The following ELOVL6 variants were observed in gnomAD, a reference collection of about 807,000 sequenced individuals.
The protein encoded by ELOVL6 is ELOVL fatty acid elongase 6.
ELOVL6 carries 8 observed loss-of-function variants against 31.7 expected under a neutral mutation model. The observed-to-expected ratio is 0.25, with a 90% confidence interval of 0.15 to 0.45. ELOVL6 has a LOEUF of 0.45. ELOVL6 is among the 20% of genes least tolerant of loss of function. ELOVL6 has a pLI of 1.00. For synonymous variants in ELOVL6, 101 were observed against 117.7 expected, an observed-to-expected ratio of 0.86 and a Z score of 0.92; for missense variants, 126 against 326.4, an observed-to-expected ratio of 0.39 and a Z score of 4.73.
rs1310719679 is a variant in ELOVL6 at position 110,105,727 on chromosome 4, C to A, written c.90-99G>T. ...TCTTTGTAAGCACTGAAAAAATATT[C>A]TTGAGAATATTCCTGCTTCACTGAA... On this transcript the variant is annotated intron_variant, in intron 1 of 3. Transcript: ENST00000302274. 2 of 1,120,288 alleles carry A rather than the reference C, an allele frequency of 1.8e-6. No individual in the cohort carries two copies. Among genetic ancestry groups the A allele is most frequent in the Non-Finnish European group, 2.6e-6 (2 of 784,276 alleles). The allele number at this position is 1,120,288 out of a possible 1,614,324, so 69.4% of individuals were successfully genotyped here.
At chr4:110,141,432 C>A (rs975200280) in intron 1 of ELOVL6, among the ~76,000 whole-genome samples, 5 of 152,014 alleles carry the variant, frequency 3.3e-5, no homozygotes, top group African/African-American at 7.3e-5. Context: ...AGGATACCTA[C>A]AATGCACCTG....
At chr4:110,197,958 GT>G in intron 1 of ELOVL6, 1 of 474,264 alleles carries the variant, frequency 2.1e-6, no homozygotes. Context: ...CGCCTTCCCT[GT>G]CGCGCAGACA....
chr4:110,196,188 G>A (rs1052911534), intron 1 of ELOVL6, among the ~76,000 whole-genome samples: 33 of 152,180 alleles, frequency 2.2e-4, no homozygotes, highest in African/African-American at 7.5e-4. Flanking sequence ...ACAGTGAATG[G>A]GGTCAGCCAG....
chr4:110,181,217 C>A (rs141337697), intron 1 of ELOVL6, among the ~76,000 whole-genome samples: 4 of 152,094 alleles, frequency 2.6e-5, no homozygotes, highest in Non-Finnish European at 5.9e-5. Flanking sequence ...GAGGCTGAGG[C>A]GGGTGGATTG....
chr4:110,121,744 C>T (rs946936853), intron 1 of ELOVL6, among the ~76,000 whole-genome samples: 13 of 152,172 alleles, frequency 8.5e-5, no homozygotes, highest in Non-Finnish European at 1.9e-4. Flanking sequence ...CTCTCACACC[C>T]CATCACTATT....
intron 1 of ELOVL6, among the ~76,000 whole-genome samples, chr4:110,183,395 G>A (rs1427123919): frequency 6.6e-6 from 1 of 152,138 alleles, no homozygotes; most frequent in African/African-American, 2.4e-5. Context: ...TACCTCACAT[G>A]TATTGACTGA....
rs1438550284 is a variant in ELOVL6, at chr4:110,049,659, A to G, written c.*1679T>C. On this transcript the variant is annotated 3_prime_UTR_variant, in exon 4 of 4. Coordinates refer to ENST00000302274, the MANE Select transcript of ELOVL6 (RefSeq NM_024090.3). The stretch of plus-strand genomic sequence containing the variant: ...GGCTTTGAAGTTCAGTGTACCCCAC[A>G]TCTGTGTGTCTGTGTGTGTATGCGT... 2.0e-5 allele frequency: 3 copies of G among 150,722 alleles called. No individual in the cohort carries two copies. The highest frequency in any genetic ancestry group is 4.4e-5 in the Non-Finnish European group (3 of 67,758). The allele number at this position is 150,722 out of a possible 1,614,324, so 9.3% of individuals were successfully genotyped here.
At chr4:110,113,615 A>T (rs1396192859) in intron 1 of ELOVL6, among the ~76,000 whole-genome samples, 3 of 152,160 alleles carry the variant, frequency 2.0e-5, no homozygotes, top group South Asian at 2.1e-4. Flanking sequence ...CATTGGTCTT[A>T]TTTAGACAAA....
intron 2 of ELOVL6, among the ~76,000 whole-genome samples, chr4:110,084,095 T>C (rs1370219617): frequency 1.2e-5 from 1 of 82,254 alleles, no homozygotes; most frequent in African/African-American, 5.3e-5. Context: ...ATATATAACA[T>C]ATATATGATA....
intron 2 of ELOVL6, among the ~76,000 whole-genome samples, chr4:110,092,324 T>C (rs1423852673): frequency 6.6e-6 from 1 of 152,212 alleles, no homozygotes; most frequent in Non-Finnish European, 1.5e-5. Flanking sequence ...AGGAAAGAAC[T>C]GTCAATGCTT....
At chr4:110,150,453 G>A (rs567214342) in intron 1 of ELOVL6, among the ~76,000 whole-genome samples, 2 of 152,118 alleles carry the variant, frequency 1.3e-5, no homozygotes, top group East Asian at 1.9e-4. Context: ...ATTATTGTAT[G>A]TTACTACAAT....
At chr4:110,197,263 G>T (rs984447640) in intron 1 of ELOVL6, among the ~76,000 whole-genome samples, 2 of 152,234 alleles carry the variant, frequency 1.3e-5, no homozygotes, top group African/African-American at 4.8e-5. Flanking sequence ...GAATGCCTCT[G>T]CCACAACCCT....
intron 1 of ELOVL6, among the ~76,000 whole-genome samples, chr4:110,158,633 G>GTGTA (rs201164099): frequency 0.044 from 2,779 of 63,734 alleles, 117 homozygotes; most frequent in Non-Finnish European, 0.053. Context: ...ATATATACAC[G>GTGTA]TGTATATATA....
chr4:110,162,990 T>C (rs1450506513), intron 1 of ELOVL6, among the ~76,000 whole-genome samples: 2 of 152,188 alleles, frequency 1.3e-5, no homozygotes, highest in African/African-American at 2.4e-5. Context: ...TCCAAGACTA[T>C]GTAGGGGAAA....
In ELOVL6 at chr4:110,177,446, AAATT is replaced by A. The variant is rs1314147298; in HGVS notation, c.89+20797_89+20800del. Among the ~76,000 whole-genome samples the A allele has an allele frequency of 4.0e-5, 6 of 151,470 alleles. No homozygotes were observed. In the East Asian group the frequency reaches 9.7e-4, roughly 24 times the overall value. On this transcript the variant is annotated intron_variant, in intron 1 of 3. Coordinates refer to ENST00000302274, the MANE Select transcript of ELOVL6 (RefSeq NM_024090.3). ...AGTGAAACATTGTTTCTTAAAAAAT[AAATT>A]AATAAATAATAATAATAATAATAAA...
chr4:110,195,339 C>T (rs987363005), intron 1 of ELOVL6, among the ~76,000 whole-genome samples: 3 of 151,890 alleles, frequency 2.0e-5, no homozygotes, highest in African/African-American at 4.8e-5. Context: ...TGGCTGGTCT[C>T]GAACTCCTGT....
At chr4:110,070,241 T>A (rs768612968) in intron 2 of ELOVL6, among the ~76,000 whole-genome samples, 53 of 152,160 alleles carry the variant, frequency 3.5e-4, no homozygotes, top group Admixed American at 3.2e-3. Flanking sequence ...TGGACTTTTC[T>A]AATAGGAACA....
In ELOVL6 at chr4:110,149,257, G is replaced by A. The variant is rs1364106848; in HGVS notation, c.90-43629C>T. Among the ~76,000 whole-genome samples, 4 of 152,264 alleles carry A rather than the reference G, an allele frequency of 2.6e-5. No individual in the cohort carries two copies. In the South Asian group the frequency reaches 6.2e-4, roughly 24 times the overall value. ...AGAACTAAAAATACGACTAACCTTT[G>A]ATCCAGCAATCCCACTGCTGGGTAT... On this transcript the variant is annotated intron_variant, in intron 1 of 3. Transcript: ENST00000302274.
chr4:110,189,616 AGAG>A (rs1759553396), intron 1 of ELOVL6, among the ~76,000 whole-genome samples: 1 of 117,314 alleles, frequency 8.5e-6, no homozygotes, highest in Non-Finnish European at 1.8e-5. Context: ...AAAAAAAAAG[AGAG>A]AGAGAGAGAG....
Sources: allele counts gnomAD v4.1 joint callset (sites outside exome capture counted in the v4.1 genomes callset), GRCh38; gene constraint gnomAD v4.1.1; transcripts MANE v1.5; gene names NCBI Gene and HGNC (gene_info 2026-07-23, HGNC 2026-07-21).